Variants in PPP3CA observed in about 807,000 individuals in gnomAD.
PPP3CA encodes CAM-PRP catalytic subunit.
PPP3CA carries 14 observed loss-of-function variants against 66.5 expected under a neutral mutation model. That is an observed-to-expected ratio of 0.21 (90% CI 0.14 to 0.33). PPP3CA has a LOEUF of 0.33. Ranked by LOEUF, PPP3CA falls within the 10% of genes least tolerant of loss-of-function variation. The pLI is 1.00. For missense variants in PPP3CA, 317 were observed against 639.5 expected, an observed-to-expected ratio of 0.50 and a Z score of 5.44; for synonymous variants, 232 against 226.2, an observed-to-expected ratio of 1.03 and a Z score of -0.23.
intron 2 of PPP3CA, among the ~76,000 whole-genome samples, chr4:101,181,328 A>T (rs1435397735): frequency 1.3e-5 from 2 of 152,080 alleles, no homozygotes; most frequent in Non-Finnish European, 2.9e-5. Flanking sequence ...GGAATTTAAC[A>T]TCAGAAAAGA....
chr4:101,309,888 A>G (rs1728669932), intron 1 of PPP3CA, among the ~76,000 whole-genome samples: 1 of 152,216 alleles, frequency 6.6e-6, no homozygotes, highest in Admixed American at 6.5e-5. Flanking sequence ...CTATTTTAAA[A>G]AGAAAGTACG....
chr4:101,033,329 C>G (rs1353184389), intron 11 of PPP3CA, among the ~76,000 whole-genome samples: 1 of 136,022 alleles, frequency 7.4e-6, no homozygotes, highest in Non-Finnish European at 1.6e-5. Flanking sequence ...CACACACACA[C>G]AGGGAGAGAG....
chr4:101,077,286 G>C (rs1466625053), intron 8 of PPP3CA, among the ~76,000 whole-genome samples: 1 of 152,184 alleles, frequency 6.6e-6, no homozygotes, highest in Non-Finnish European at 1.5e-5. Flanking sequence ...TTGCCAGATA[G>C]TATTACTGCT....
intron 1 of PPP3CA, among the ~76,000 whole-genome samples, chr4:101,227,549 C>T (rs1266696127): frequency 1.3e-5 from 2 of 151,646 alleles, no homozygotes; most frequent in African/African-American, 4.8e-5. Context: ...TCTCATCATC[C>T]AACAGGCCTT....
chr4:101,170,899 C>T (rs73833253), intron 2 of PPP3CA, among the ~76,000 whole-genome samples: 4,098 of 152,196 alleles, frequency 0.027, 202 homozygotes, highest in African/African-American at 0.093. Context: ...ACACAAATCC[C>T]TGCCTTCAAG....
At chr4:101,314,724 A>C (rs1174623523) in intron 1 of PPP3CA, among the ~76,000 whole-genome samples, 1 of 152,154 alleles carries the variant, frequency 6.6e-6, no homozygotes, top group Non-Finnish European at 1.5e-5. Context: ...TTCTAAGAAA[A>C]TAAAAGTAAT....
chr4:101,159,444 C>T (rs371239751), intron 2 of PPP3CA, among the ~76,000 whole-genome samples: 1 of 152,118 alleles, frequency 6.6e-6, no homozygotes, highest in Non-Finnish European at 1.5e-5. Flanking sequence ...TTTACATTAT[C>T]TAAGGGGAAG....
chr4:101,204,227 A>C (rs1725056795), intron 1 of PPP3CA, among the ~76,000 whole-genome samples: 1 of 152,226 alleles, frequency 6.6e-6, no homozygotes, highest in South Asian at 2.1e-4. Flanking sequence ...GGCTTGTCTT[A>C]AACTCCTAGG....
chr4:101,032,261 G>A lies in PPP3CA; in HGVS notation c.1339+6C>T. 1 of 1,593,086 alleles carries A rather than the reference G, an allele frequency of 6.3e-7. No homozygotes were observed. Among genetic ancestry groups the A allele is most frequent in the African/African-American group, 1.3e-5 (1 of 74,094 alleles). The stretch of plus-strand genomic sequence containing the variant: ...AGCACACAGTCATACCCATCAGCCT[G>A]CTTACCGCTTTGCAGGGTTTGCTTC... On this transcript the variant is annotated splice_donor_region_variant and intron_variant, in intron 12 of 13. Coordinates refer to ENST00000394854, the MANE Select transcript of PPP3CA (RefSeq NM_000944.5).
intron 4 of PPP3CA, 46 bp from the exon 5 acceptor site, chr4:101,098,558 C>A: frequency 6.6e-7 from 1 of 1,524,184 alleles, no homozygotes; most frequent in Non-Finnish European, 8.8e-7. Flanking sequence ...TAGGCAGGAT[C>A]ATTTCACTGA....
chr4:101,174,863 A>C (rs1169014445), intron 2 of PPP3CA, among the ~76,000 whole-genome samples: 1 of 152,152 alleles, frequency 6.6e-6, no homozygotes, highest in Non-Finnish European at 1.5e-5. Context: ...CTTAATCCCC[A>C]CAACTCTAGG....
intron 1 of PPP3CA, among the ~76,000 whole-genome samples, chr4:101,320,470 A>ATG (rs1301737686): frequency 5.7e-4 from 74 of 130,834 alleles, no homozygotes; most frequent in Admixed American, 6.0e-4. Flanking sequence ...GTATGTATGT[A>ATG]TGTATGTGTG....
intron 1 of PPP3CA, among the ~76,000 whole-genome samples, chr4:101,287,944 C>T (rs1727897148): frequency 6.6e-6 from 1 of 150,842 alleles, no homozygotes. Context: ...TGCATCATAC[C>T]ATTTTTTTCC....
intron 1 of PPP3CA, among the ~76,000 whole-genome samples, chr4:101,242,742 C>T (rs1726352882): frequency 1.3e-5 from 2 of 152,102 alleles, no homozygotes; most frequent in South Asian, 4.1e-4. Context: ...ACCTGGGCAA[C>T]ATAGCAAGAC....
At chr4:101,243,444 A>C (rs1379760798) in intron 1 of PPP3CA, among the ~76,000 whole-genome samples, 1 of 152,184 alleles carries the variant, frequency 6.6e-6, no homozygotes, top group Non-Finnish European at 1.5e-5. Flanking sequence ...TTCCACATCT[A>C]TGGATTCAAC....
chr4:101,252,964 G>GC (rs1302304651), intron 1 of PPP3CA, among the ~76,000 whole-genome samples: 1 of 152,176 alleles, frequency 6.6e-6, no homozygotes, highest in Non-Finnish European at 1.5e-5. Flanking sequence ...TAAGGCATGT[G>GC]CTTCCCATGC....
chr4:101,268,184 A>G (rs1198568355), intron 1 of PPP3CA, among the ~76,000 whole-genome samples: 3 of 152,166 alleles, frequency 2.0e-5, no homozygotes, highest in African/African-American at 7.2e-5. Flanking sequence ...AAAAACATAA[A>G]TAAGTAACAA....
intron 2 of PPP3CA, among the ~76,000 whole-genome samples, chr4:101,173,718 CCTCT>C (rs554752741): frequency 6.6e-6 from 1 of 151,856 alleles, no homozygotes; most frequent in African/African-American, 2.4e-5. Context: ...ATAATAATAA[CCTCT>C]CTGTTTTATA....
At chr4:101,340,074 G>T (rs925699191) in intron 1 of PPP3CA, among the ~76,000 whole-genome samples, 1 of 152,026 alleles carries the variant, frequency 6.6e-6, no homozygotes, top group Admixed American at 6.6e-5. Flanking sequence ...TCATTCTTCC[G>T]GTTTCACAGT....
Sources: allele counts gnomAD v4.1 joint callset (sites outside exome capture counted in the v4.1 genomes callset), GRCh38; gene constraint gnomAD v4.1.1; transcripts MANE v1.5; gene names NCBI Gene and HGNC (gene_info 2026-07-23, HGNC 2026-07-21).